EOGT: variants seen among roughly 807,000 people sequenced by gnomAD.
The protein encoded by EOGT is EGF domain specific O-linked N-acetylglucosamine transferase, also known as EGF domain-specific O-linked N-acetylglucosamine transferase.
Under a neutral mutation model 70.5 loss-of-function variants are expected in EOGT, and 55 were observed. The ratio of observed to expected loss-of-function variants is 0.78; its 90% CI spans 0.63 to 0.98. The LOEUF (loss-of-function observed/expected upper bound fraction) is 0.98. EOGT is among the 50% of genes least tolerant of loss of function. The pLI is 0.00. For missense variants in EOGT, 703 were observed against 641.9 expected, an observed-to-expected ratio of 1.10 and a Z score of -1.03; for synonymous variants, 246 against 217.1, an observed-to-expected ratio of 1.13 and a Z score of -1.17.
intron 17 of EOGT, 91 bp downstream of exon 17, chr3:68,978,242 C>A: frequency 1.1e-6 from 1 of 915,002 alleles, no homozygotes; most frequent in South Asian, 1.5e-5. Context: ...CTTTGCAGCA[C>A]TGAAGTTCAA....
intron 15 of EOGT, among the ~76,000 whole-genome samples, chr3:68,982,438 T>G (rs1292623603): frequency 6.6e-6 from 1 of 152,180 alleles, no homozygotes; most frequent in East Asian, 1.9e-4. Context: ...GAGAATTACT[T>G]GAACCCAGGA....
intron 8 of EOGT, among the ~76,000 whole-genome samples, chr3:69,002,140 C>G (rs1409278888): frequency 6.6e-6 from 1 of 152,046 alleles, no homozygotes; most frequent in Non-Finnish European, 1.5e-5. Flanking sequence ...TGCAGTGAGC[C>G]GAGATGGTGC....
chr3:68,994,374 C>T (rs547134834), intron 10 of EOGT, among the ~76,000 whole-genome samples: 10 of 152,150 alleles, frequency 6.6e-5, no homozygotes, highest in East Asian at 3.9e-4. Context: ...GACTCACACA[C>T]GTTAAATGCA....
chr3:68,983,797 C>T (rs914748996), intron 14 of EOGT, among the ~76,000 whole-genome samples: 2 of 152,282 alleles, frequency 1.3e-5, no homozygotes, highest in Admixed American at 1.3e-4. Context: ...AACCCCGTCT[C>T]TACTAAAAAT....
At chr3:68,992,687 G>A (rs550611980) in intron 10 of EOGT, among the ~76,000 whole-genome samples, 2 of 152,196 alleles carry the variant, frequency 1.3e-5, no homozygotes, top group African/African-American at 4.8e-5. Context: ...CTGTTTGGGG[G>A]CTCCAACCCC....
intron 13 of EOGT, chr3:68,987,716 T>C: frequency 1.7e-6 from 1 of 582,476 alleles, no homozygotes; most frequent in Non-Finnish European, 3.0e-6. Context: ...AAAAACCAGC[T>C]CATTACATTG....
At chr3:69,007,984 G>A (rs529313832) in intron 5 of EOGT, among the ~76,000 whole-genome samples, 163 bp from the exon 6 acceptor site, 68 of 152,168 alleles carry the variant, frequency 4.5e-4, no homozygotes, top group Non-Finnish European at 6.6e-4. Context: ...ATGAAGTTAC[G>A]AAACTAAGTT....
At position 68,979,684 on chromosome 3, in the gene EOGT, C is replaced by A. The variant is rs2090578069; in HGVS notation, c.1318G>T (p.Ala440Ser). The A allele has an allele frequency of 6.2e-7, 1 of 1,613,662 alleles. No homozygotes were observed. Among genetic ancestry groups the A allele is most frequent in the Admixed American group, 1.7e-5 (1 of 59,978 alleles). ...AACACTTACAGTTCAAATACAGCAGCCCAGTCTGGAAGGAAAAGTAAATGG... is the reference window on the plus strand; with the variant it reads ...AACACTTACAGTTCAAATACAGCAGACCAGTCTGGAAGGAAAAGTAAATGG... Reference protein sequence around the residue: ...LTHLLFLPDWAAVFELYNCED... With the variant: ...LTHLLFLPDWSAVFELYNCED... Residue 440 changes from alanine to serine, a missense_variant, in exon 16 of 18, where the codon GCT becomes TCT. By Grantham distance (99) the Ala-to-Ser change is moderately conservative. Coordinates refer to ENST00000383701, the MANE Select transcript of EOGT (RefSeq NM_001278689.2).
intron 9 of EOGT, 23 bp downstream of exon 9, chr3:69,001,581 CAAAT>C (rs1166320098): frequency 1.4e-6 from 2 of 1,434,520 alleles, no homozygotes; most frequent in South Asian, 1.2e-5. Flanking sequence ...AACAAATACA[CAAAT>C]AACAGAAAAA....
Position 68,984,615 on chromosome 3 carries a change from C to A in EOGT, c.1153-1743G>T, listed in dbSNP as rs2090751984. Among the ~76,000 whole-genome samples, 5 of 152,142 alleles carry A rather than the reference C, an allele frequency of 3.3e-5. 1 individual carries two copies. Among genetic ancestry groups the A allele is most frequent in the Non-Finnish European group, 7.4e-5 (5 of 68,018 alleles). Reference sequence around the variant, plus strand: ...TGCTTTCTTCCCTTCCCAGGAGCTGCCTTTCTAGTAACATCCAATCCTCAA... The same window carrying A: ...TGCTTTCTTCCCTTCCCAGGAGCTGACTTTCTAGTAACATCCAATCCTCAA... On this transcript the variant is annotated intron_variant, in intron 14 of 17. Transcript: ENST00000383701.
In EOGT at chr3:68,978,321, AT is replaced by A; in HGVS notation, c.1437+11del. ...AAAATGAAGCAAGGTAAGTTTTGTG[AT>A]TGAACTTTACCTTATCCTGAGGAAA... On this transcript the variant is annotated intron_variant, in intron 17 of 17. Transcript: ENST00000383701. The A allele has an allele frequency of 6.3e-7, 1 of 1,593,934 alleles. No individual in the cohort carries two copies. The highest frequency in any genetic ancestry group is 1.1e-5 in the South Asian group (1 of 88,786).
intron 8 of EOGT, among the ~76,000 whole-genome samples, chr3:69,004,051 T>C (rs1325334428): frequency 6.6e-6 from 1 of 152,212 alleles, no homozygotes; most frequent in Non-Finnish European, 1.5e-5. Context: ...GCATGGACGT[T>C]TGACCTCAAA....
chr3:68,992,336 T>C (rs7433193), intron 10 of EOGT, among the ~76,000 whole-genome samples: 150,439 of 152,308 alleles, frequency 0.99, 74,328 homozygotes, highest in Non-Finnish European at 1. Context: ...CCGTTCCAAA[T>C]GGGAGAAATT....
chr3:69,005,061 CAAA>C (rs11320020), intron 7 of EOGT, 76 bp downstream of exon 7: 12,040 of 648,788 alleles, frequency 0.019, 1 homozygote, highest in South Asian at 0.026. Context: ...GACCCTGTCT[CAAA>C]AAAAAAAAAA....
At position 69,008,444 on chromosome 3, in the gene EOGT, A is replaced by G; in HGVS notation, c.295T>C (p.Tyr99His). ...EFRFGYPVCS[Y>H]VDMGWTDTLE... ...GAAACTTACCATCCCATGTCGACAT[A>G]GCTGCAAACTGGGTAACCAAACCTG... The change falls in exon 5 of 18, where the codon TAT becomes CAT. Residue 99 changes from tyrosine to histidine, a missense_variant. Transcript: ENST00000383701. 2 of 1,613,778 alleles carry G rather than the reference A, an allele frequency of 1.2e-6. No homozygotes were observed. The highest frequency in any genetic ancestry group is 1.3e-5 in the African/African-American group (1 of 75,052).
Position 68,977,764 on chromosome 3 carries a change from C to T in EOGT, c.1438G>A (p.Gly480Ser). Residue 480 changes from glycine (G) to serine (S), a missense_variant and splice_region_variant, in exon 18 of 18, where the codon GGC (glycine) becomes AGC (serine). Coordinates refer to ENST00000383701, the MANE Select transcript of EOGT (RefSeq NM_001278689.2). The part of the protein sequence containing the change: ...RQNKVFPQDK[G>S]HHPTLGEHPK... ...TGCTCCCCCAGGGTTGGATGGTGGCCCTGTGAAAATAAACCAAAACACGAA... is the reference window on the plus strand; with the variant it reads ...TGCTCCCCCAGGGTTGGATGGTGGCTCTGTGAAAATAAACCAAAACACGAA... 2 of 1,607,620 alleles carry T rather than the reference C, an allele frequency of 1.2e-6. No homozygotes were observed. The highest frequency in any genetic ancestry group is 1.7e-6 in the Non-Finnish European group (2 of 1,177,588).
chr3:68,999,401 A>G (rs2091240742), intron 9 of EOGT, among the ~76,000 whole-genome samples: 1 of 152,210 alleles, frequency 6.6e-6, no homozygotes, highest in African/African-American at 2.4e-5. Flanking sequence ...CTGGAAATAT[A>G]CAAATCTAAA....
chr3:68,987,736 T>C, intron 13 of EOGT: 2 of 560,196 alleles, frequency 3.6e-6, no homozygotes, highest in Non-Finnish European at 6.3e-6. Context: ...GTCTGTTTGG[T>C]TGGGTGGGTG....
Position 69,007,721 on chromosome 3 carries a change from T to C in EOGT, c.412A>G (p.Lys138Glu). Residue 138 changes from lysine (K) to glutamate (E), a missense_variant, in exon 6 of 18, where the codon AAG becomes GAG. Transcript: ENST00000383701. ...AGGAGCAAAATACCCACCGTTTCCT[T>C]AGGCTGACAGAGCACATGCATCTCC... ...LEEMHVLCQP[K>E]ETSDSSLVCS... 3 of 1,598,586 alleles carry C rather than the reference T, an allele frequency of 1.9e-6. No homozygotes were observed. The highest frequency in any genetic ancestry group is 1.1e-5 in the South Asian group (1 of 88,586).
Sources: gnomAD v4.1 joint callset for allele counts (sites outside exome capture counted in the v4.1 genomes callset) on GRCh38, gnomAD v4.1.1 for gene constraint, MANE v1.5 for transcripts, NCBI Gene and HGNC (gene_info 2026-07-23, HGNC 2026-07-21) for gene names.